Variants in MYO3A observed in about 807,000 individuals in gnomAD.
MYO3A encodes myosin IIIA.
A neutral mutation model predicts 192.7 loss-of-function variants in MYO3A; 180 were observed. That is an observed-to-expected ratio of 0.93 (90% confidence interval 0.83 to 1.06). The LOEUF (loss-of-function observed/expected upper bound fraction) is 1.06, where lower values mean the gene tolerates loss of function less well. Ranked by LOEUF, MYO3A falls within the 50% of genes least tolerant of loss-of-function variation. The probability of loss-of-function intolerance (pLI) is 0.00; values close to 1 mark genes in which losing one functional copy is unlikely to be tolerated. For missense variants in MYO3A, 1,896 were observed against 1,905.0 expected, an observed-to-expected ratio of 1.00 and a Z score of 0.09; for synonymous variants, 628 against 645.3, an observed-to-expected ratio of 0.97 and a Z score of 0.41.
chr10:26,117,850 A>G (rs1838610747), intron 17 of MYO3A, among the ~76,000 whole-genome samples: 1 of 152,224 alleles, frequency 6.6e-6, no homozygotes, highest in Non-Finnish European at 1.5e-5. Flanking sequence ...TCTTTTGGGT[A>G]TATACCCAGT....
rs1306051130 is a variant in MYO3A at position 26,166,060 on chromosome 10, T to A, written c.3000-7T>A. ...CAATACTAACCAGCCCTTTTTTCCA[T>A]TCCAAGGTACTACCTTCTCTGCTAC... On this transcript the variant is annotated splice_region_variant and splice_polypyrimidine_tract_variant and intron_variant, in intron 26 of 34. Transcript: ENST00000642920. 1 of 1,612,904 alleles carries A rather than the reference T, an allele frequency of 6.2e-7. No homozygotes were observed. Among genetic ancestry groups the A allele is most frequent in the Admixed American group, 1.7e-5 (1 of 60,026 alleles).
rs1013734788 is a variant in MYO3A at position 26,179,547 on chromosome 10, G to A, written c.4438+2702G>A. On this transcript the variant is annotated intron_variant, in intron 31 of 34. Coordinates refer to ENST00000642920, the MANE Select transcript of MYO3A (RefSeq NM_017433.5). ...AGTCTATTGTAAAATTGGTCATTTCGCTTAAAGTTGCAGTTTCTAAGAACC... is the reference window on the plus strand; with the variant it reads ...AGTCTATTGTAAAATTGGTCATTTCACTTAAAGTTGCAGTTTCTAAGAACC... Among the ~76,000 whole-genome samples the A allele has an allele frequency of 1.8e-4, 27 of 152,042 alleles. 1 individual carries two copies. The highest frequency in any genetic ancestry group is 7.9e-4 in the Admixed American group (12 of 15,278).
intron 17 of MYO3A, among the ~76,000 whole-genome samples, chr10:26,114,545 A>T (rs967942288): frequency 1.3e-5 from 2 of 152,118 alleles, no homozygotes; most frequent in African/African-American, 4.8e-5. Flanking sequence ...CTCACTGAGG[A>T]TGCAAAGTTT....
chr10:25,964,140 G>A (rs1449184356), intron 4 of MYO3A, among the ~76,000 whole-genome samples: 2 of 152,148 alleles, frequency 1.3e-5, no homozygotes, highest in South Asian at 2.1e-4. Flanking sequence ...ATTTTAGGGT[G>A]AAGTAAGTGT....
chr10:25,980,154 G>A (rs1005876297), intron 4 of MYO3A, among the ~76,000 whole-genome samples: 1 of 151,708 alleles, frequency 6.6e-6, no homozygotes, highest in Admixed American at 6.6e-5. Flanking sequence ...GGAGAATGTG[G>A]TGAACCTGGG....
intron 4 of MYO3A, among the ~76,000 whole-genome samples, chr10:25,995,749 G>A (rs1452210765): frequency 5.3e-5 from 8 of 152,246 alleles, no homozygotes; most frequent in African/African-American, 1.9e-4. Context: ...CAGGTCTGTT[G>A]GAGTTTGCTG....
chr10:26,184,002 G>A (rs1842745822), intron 31 of MYO3A, among the ~76,000 whole-genome samples: 1 of 152,120 alleles, frequency 6.6e-6, no homozygotes, highest in Non-Finnish European at 1.5e-5. Context: ...GAGAGGGTTA[G>A]AGCCCCGGAA....
chr10:26,201,305 G>A lies in MYO3A; in HGVS notation c.4586G>A (p.Ser1529Asn). ...GAAAAACGAAGACCAAGGAAAGACA[G>A]GTAATTATTACTTCTGGATTTCAAT... ...QEEKRRPRKDSQGKLLDLEDF... is the reference protein window; with the variant it reads ...QEEKRRPRKDNQGKLLDLEDF... The change falls in exon 33 of 35, where the codon AGT (serine) becomes AAT (asparagine). Residue 1529 changes from serine to asparagine, a missense_variant and splice_region_variant. Ser to Asn is a conservative substitution (Grantham distance 46). Coordinates refer to ENST00000642920, the MANE Select transcript of MYO3A (RefSeq NM_017433.5). 1.3e-6 allele frequency: 2 copies of A among 1,575,238 alleles called. No individual in the cohort carries two copies.
intron 4 of MYO3A, among the ~76,000 whole-genome samples, chr10:25,965,336 G>T (rs1440653882): frequency 6.6e-6 from 1 of 152,126 alleles, no homozygotes. Flanking sequence ...TGTCATCTGG[G>T]AGCTAGGGCC....
At chr10:26,107,474 A>G (rs1440299907) in intron 17 of MYO3A, among the ~76,000 whole-genome samples, 1 of 134,304 alleles carries the variant, frequency 7.4e-6, no homozygotes, top group African/African-American at 2.8e-5. Flanking sequence ...AGAGTGAAAC[A>G]CCATCTCAAA....
At chr10:26,025,954 G>A (rs574992476) in intron 9 of MYO3A, among the ~76,000 whole-genome samples, 2 of 152,344 alleles carry the variant, frequency 1.3e-5, no homozygotes, top group Admixed American at 6.5e-5. Context: ...GCCTTTAAAA[G>A]CATTTGTGAA....
chr10:26,014,060 G>A (rs987490398), intron 6 of MYO3A, among the ~76,000 whole-genome samples: 2 of 152,076 alleles, frequency 1.3e-5, no homozygotes, highest in East Asian at 1.9e-4. Flanking sequence ...CTTATAAGTG[G>A]GAGCTAAGCT....
chr10:26,176,264 A>G (rs1038679754), intron 30 of MYO3A, among the ~76,000 whole-genome samples: 1 of 151,660 alleles, frequency 6.6e-6, no homozygotes, highest in Non-Finnish European at 1.5e-5. Flanking sequence ...ACTGCACTCC[A>G]GCCTGGGCGA....
chr10:26,048,446 C>T (rs11014925), intron 10 of MYO3A, among the ~76,000 whole-genome samples: 47,542 of 151,458 alleles, frequency 0.31, 7,698 homozygotes, highest in Middle Eastern at 0.43. Flanking sequence ...AATACCTAAC[C>T]GTGACAATGC....
intron 34 of MYO3A, among the ~76,000 whole-genome samples, chr10:26,205,919 G>A (rs1476176645): frequency 1.4e-5 from 2 of 147,598 alleles, no homozygotes; most frequent in African/African-American, 5.0e-5. Context: ...GTGCCCAGCC[G>A]GATTTCTTTC....
chr10:26,020,120 A>G (rs542977120), intron 7 of MYO3A, among the ~76,000 whole-genome samples: 7 of 152,188 alleles, frequency 4.6e-5, no homozygotes, highest in Non-Finnish European at 8.8e-5. Context: ...TTAGAAATGA[A>G]TTGGTTAATG....
At chr10:25,981,288 A>G (rs946989549) in intron 4 of MYO3A, among the ~76,000 whole-genome samples, 1 of 152,188 alleles carries the variant, frequency 6.6e-6, no homozygotes, top group Non-Finnish European at 1.5e-5. Context: ...ACATCACACT[A>G]TATACAAAAA....
chr10:26,048,927 AAAC>A (rs1468714259), intron 10 of MYO3A, among the ~76,000 whole-genome samples: 1 of 152,194 alleles, frequency 6.6e-6, no homozygotes, highest in African/African-American at 2.4e-5. Flanking sequence ...GAGCTCTGGG[AAAC>A]AACAACATTT....
At chr10:26,069,654 A>G (rs966473517) in intron 12 of MYO3A, among the ~76,000 whole-genome samples, 6 of 152,172 alleles carry the variant, frequency 3.9e-5, no homozygotes, top group African/African-American at 9.6e-5. Context: ...CTTGCTATCA[A>G]TTCACTGTGT....
Sources: allele counts gnomAD v4.1 joint callset (sites outside exome capture counted in the v4.1 genomes callset), GRCh38; gene constraint gnomAD v4.1.1; transcripts MANE v1.5; gene names NCBI Gene and HGNC (gene_info 2026-07-23, HGNC 2026-07-21).